The following TP63 variants were observed in gnomAD, a reference collection of about 807,000 sequenced individuals.
TP63 encodes tumor protein 63.
A neutral mutation model predicts 82.8 loss-of-function variants in TP63; 17 were observed. The ratio of observed to expected loss-of-function variants is 0.21; its 90% CI spans 0.14 to 0.31. The LOEUF (loss-of-function observed/expected upper bound fraction) is 0.31. TP63 is among the 10% of genes least tolerant of loss of function. TP63 has a pLI of 1.00. For synonymous variants in TP63, 330 were observed against 321.7 expected, an observed-to-expected ratio of 1.03 and a Z score of -0.28; for missense variants, 648 against 895.3, an observed-to-expected ratio of 0.72 and a Z score of 3.52.
At position 189,651,757 on chromosome 3, in the gene TP63, G is replaced by A. The variant is rs541043767; in HGVS notation, c.62+20180G>A. ...CCTAGGAGGGAAAAAATGGTTTCCTGGGCTGAGTCCAGGGCCCCCTGCTCT... is the reference window on the plus strand; with the variant it reads ...CCTAGGAGGGAAAAAATGGTTTCCTAGGCTGAGTCCAGGGCCCCCTGCTCT... On this transcript the variant is annotated intron_variant, in intron 1 of 13. Transcript: ENST00000264731. Among the ~76,000 whole-genome samples, 22 of 146,580 alleles carry A rather than the reference G, an allele frequency of 1.5e-4. 1 individual carries two copies. Among genetic ancestry groups the A allele is most frequent in the Admixed American group, 1.2e-3 (18 of 14,944 alleles).
At chr3:189,603,650 TAAAAAA>T in the TP63 span, among the ~76,000 whole-genome samples, 10 of 50,740 alleles carry the variant, frequency 2.0e-4, no homozygotes, top group South Asian at 2.3e-3. Context: ...TTGCCTTCAT[TAAAAAA>T]AAAAAAAAAA....
chr3:189,854,491 C>T (rs572149249), intron 4 of TP63, among the ~76,000 whole-genome samples: 1 of 152,286 alleles, frequency 6.6e-6, no homozygotes, highest in African/African-American at 2.4e-5. Context: ...TCTTGGCCTC[C>T]CAAAGTGCTG....
chr3:189,606,713 C>T, the TP63 span, among the ~76,000 whole-genome samples: 1 of 151,848 alleles, frequency 6.6e-6, no homozygotes, highest in Non-Finnish European at 1.5e-5. Flanking sequence ...TCATGTTGCC[C>T]AGGCTGGTCT....
chr3:189,781,071 A>G (rs73197834), intron 3 of TP63, among the ~76,000 whole-genome samples: 31,616 of 152,144 alleles, frequency 0.21, 4,080 homozygotes, highest in Admixed American at 0.3. Flanking sequence ...GAAATCCCAC[A>G]GGATTTGGCC....
At chr3:189,819,340 A>G (rs11706121) in intron 4 of TP63, among the ~76,000 whole-genome samples, 14,611 of 152,036 alleles carry the variant, frequency 0.096, 932 homozygotes, top group Middle Eastern at 0.18. Context: ...CATGTGCACA[A>G]TGTGCAGGTT....
chr3:189,632,379 A>G (rs1729515523), intron 1 of TP63, among the ~76,000 whole-genome samples: 1 of 152,104 alleles, frequency 6.6e-6, no homozygotes, highest in Non-Finnish European at 1.5e-5. Context: ...TTAACTTGCC[A>G]TTTACCACCT....
chr3:189,848,699 A>C (rs2108760179), intron 4 of TP63, among the ~76,000 whole-genome samples: 1 of 152,308 alleles, frequency 6.6e-6, no homozygotes, highest in South Asian at 2.1e-4. Context: ...ATCTTCATAG[A>C]ACTAAGGAAA....
intron 13 of TP63, among the ~76,000 whole-genome samples, chr3:189,891,481 T>C (rs79674779): frequency 0.012 from 1,822 of 152,294 alleles, 35 homozygotes; most frequent in African/African-American, 0.043. Flanking sequence ...TTCATCCTAA[T>C]AGAGCCCAGC....
intron 1 of TP63, among the ~76,000 whole-genome samples, chr3:189,642,954 CCTTAA>C (rs1205607628): frequency 1.3e-5 from 2 of 148,864 alleles, no homozygotes; most frequent in African/African-American, 2.4e-5. Context: ...TCACTCACAC[CCTTAA>C]CTTAATTCCA....
At chr3:189,672,365 T>A (rs1577212459) in intron 1 of TP63, among the ~76,000 whole-genome samples, 1 of 151,730 alleles carries the variant, frequency 6.6e-6, no homozygotes, top group South Asian at 2.1e-4. Context: ...GTTTGGGAGG[T>A]CGAGGTAGGA....
intron 13 of TP63, among the ~76,000 whole-genome samples, chr3:189,891,932 T>A (rs1721062481): frequency 6.6e-6 from 1 of 152,122 alleles, no homozygotes; most frequent in South Asian, 2.1e-4. Context: ...ATGCTAGAGA[T>A]GCCCCTGCAG....
rs866775544 is a variant in TP63, at chr3:189,721,117, T to G, written c.63-16623T>G. Among the ~76,000 whole-genome samples, 4 of 152,304 alleles carry G rather than the reference T, an allele frequency of 2.6e-5. No individual in the cohort carries two copies. In the South Asian group the frequency reaches 8.3e-4, roughly 32 times the overall value. On this transcript the variant is annotated intron_variant, in intron 1 of 13. Transcript: ENST00000264731. Reference sequence around the variant, plus strand: ...TGATCTGCAATTTAGGCAGAGAGTTTTTGGTGCAGTAGGAAGTTTGAAGAA... The same window carrying G: ...TGATCTGCAATTTAGGCAGAGAGTTGTTGGTGCAGTAGGAAGTTTGAAGAA...
At chr3:189,830,343 G>A (rs1442412713) in intron 4 of TP63, among the ~76,000 whole-genome samples, 1 of 152,048 alleles carries the variant, frequency 6.6e-6, no homozygotes, top group Non-Finnish European at 1.5e-5. Context: ...TTGACTTACT[G>A]CAACTCTGAT....
chr3:189,887,453 C>CAGCTAAGT (rs1720571328), intron 11 of TP63, among the ~76,000 whole-genome samples: 1 of 152,124 alleles, frequency 6.6e-6, no homozygotes, highest in East Asian at 1.9e-4. Context: ...TTTCTTCTCA[C>CAGCTAAGT]ACACATTCCT....
chr3:189,682,544 AAAAAAAAAAAT>A (rs1489810603), intron 1 of TP63, among the ~76,000 whole-genome samples: 1,158 of 27,478 alleles, frequency 0.042, 26 homozygotes, highest in Non-Finnish European at 0.066. Flanking sequence ...GGGAAAAAAA[AAAAAAAAAAAT>A]ATATATATAT....
At chr3:189,874,236 A>AT (rs1718769339) in intron 10 of TP63, among the ~76,000 whole-genome samples, 3 of 151,974 alleles carry the variant, frequency 2.0e-5, no homozygotes, top group African/African-American at 4.8e-5. Flanking sequence ...TGCCTGGCAG[A>AT]TTTTTTGTAT....
chr3:189,703,826 G>A (rs1412190125), intron 1 of TP63, among the ~76,000 whole-genome samples: 1 of 152,182 alleles, frequency 6.6e-6, no homozygotes, highest in Non-Finnish European at 1.5e-5. Flanking sequence ...ACAGTGAGTT[G>A]TTGGGAAAAC....
chr3:189,688,845 C>A (rs1039357158), intron 1 of TP63, among the ~76,000 whole-genome samples: 1 of 152,150 alleles, frequency 6.6e-6, no homozygotes, highest in Admixed American at 6.5e-5. Flanking sequence ...AAGCTGTTTC[C>A]TGTACCACCT....
intron 11 of TP63, among the ~76,000 whole-genome samples, chr3:189,887,659 C>T (rs1228731276): frequency 6.6e-6 from 1 of 152,142 alleles, no homozygotes; most frequent in East Asian, 1.9e-4. Context: ...CTCGGGGATA[C>T]AGAAGACTGA....
Sources: allele counts gnomAD v4.1 joint callset (sites outside exome capture counted in the v4.1 genomes callset), GRCh38; gene constraint gnomAD v4.1.1; transcripts MANE v1.5; gene names NCBI Gene and HGNC (gene_info 2026-07-23, HGNC 2026-07-21).